Variants in GASK1A observed in about 807,000 individuals in gnomAD.
GASK1A encodes Golgi-associated kinase 1A.
GASK1A carries 40 observed loss-of-function variants against 41.2 expected under a neutral mutation model. The observed-to-expected ratio is 0.97, with a 90% CI of 0.75 to 1.27. The LOEUF (loss-of-function observed/expected upper bound fraction) is 1.27. GASK1A is among the 50% of genes most tolerant of loss of function. GASK1A has a pLI of 0.00. For synonymous variants in GASK1A, 316 were observed against 307.1 expected (o/e 1.03, Z -0.30); for missense variants, 678 against 745.1 (o/e 0.91, Z 1.05).
At position 43,056,212 on chromosome 3, in the gene GASK1A, G is replaced by A. The variant is rs1363217325; in HGVS notation, c.1554G>A (p.Gly518=). Residue 518 remains glycine, a synonymous_variant, in exon 5 of 5, where the codon GGG becomes GGA. Transcript: ENST00000430121. ...CTGCCGTGAAGGTTCTCGCATCAGG[G>A]TGTCTACAGAACATGCTGCTGAAGT... The part of the protein sequence containing the change: ...PESAVKVLAS[G]CLQNMLLKSL... 7.1e-6 allele frequency: 11 copies of A among 1,551,570 alleles called. No individual in the cohort carries two copies. In the Admixed American group the frequency reaches 1.4e-4, roughly 19 times the overall value.
chr3:43,019,776 A>G (rs1347909687), intron 1 of GASK1A, among the ~76,000 whole-genome samples: 3 of 151,372 alleles, frequency 2.0e-5, no homozygotes, highest in African/African-American at 7.3e-5. Context: ...ACACACACAC[A>G]CACACACACA....
intron 2 of GASK1A, among the ~76,000 whole-genome samples, chr3:43,041,833 C>T (rs1412073873): frequency 2.6e-5 from 4 of 152,156 alleles, no homozygotes; most frequent in Admixed American, 6.5e-5. Context: ...AACAGATTTG[C>T]GATGAACTAT....
At chr3:43,005,091 TG>T (rs1226241466) in intron 1 of GASK1A, among the ~76,000 whole-genome samples, 1 of 152,198 alleles carries the variant, frequency 6.6e-6, no homozygotes, top group African/African-American at 2.4e-5. Flanking sequence ...AGTCATCACA[TG>T]GCCGCCTTCT....
At chr3:42,994,414 T>C (rs2089358726) in intron 1 of GASK1A, among the ~76,000 whole-genome samples, 1 of 152,008 alleles carries the variant, frequency 6.6e-6, no homozygotes, top group African/African-American at 2.4e-5. Flanking sequence ...GAGGGCAAGC[T>C]CTGAAGACCA....
intron 3 of GASK1A, among the ~76,000 whole-genome samples, chr3:43,054,562 G>A (rs2089707192): frequency 6.6e-6 from 1 of 152,186 alleles, no homozygotes; most frequent in South Asian, 2.1e-4. Flanking sequence ...AGAAGAGGCA[G>A]AGAGAAGGGA....
intron 2 of GASK1A, among the ~76,000 whole-genome samples, chr3:43,042,869 G>T (rs2089644886): frequency 6.6e-6 from 1 of 152,182 alleles, no homozygotes; most frequent in African/African-American, 2.4e-5. Context: ...CAGTCTAGGT[G>T]TTCCCTCCCT....
chr3:43,023,833 T>C (rs750091649), intron 1 of GASK1A, among the ~76,000 whole-genome samples: 64 of 152,142 alleles, frequency 4.2e-4, no homozygotes, highest in Non-Finnish European at 8.2e-4. Flanking sequence ...AAGAGGGAGA[T>C]TGGCTTATTT....
chr3:43,055,616 T>A, intron 4 of GASK1A, 81 bp downstream of exon 4: 1 of 1,012,728 alleles, frequency 9.9e-7, no homozygotes, highest in Non-Finnish European at 1.5e-6. Context: ...CCTTCAACTG[T>A]GGCCCTGAGA....
At chr3:43,040,775 A>T (rs1462513812) in intron 2 of GASK1A, among the ~76,000 whole-genome samples, 1 of 151,420 alleles carries the variant, frequency 6.6e-6, no homozygotes, top group East Asian at 1.9e-4. Flanking sequence ...GTACATGTGC[A>T]CAATGTGCAG....
chr3:43,037,261 C>T (rs2089609102), intron 2 of GASK1A: 4 of 980,096 alleles, frequency 4.1e-6, no homozygotes, highest in South Asian at 1.3e-5. Context: ...GGAGCGATGG[C>T]CGAGGAGAAG....
At chr3:43,009,999 T>C (rs935783430) in intron 1 of GASK1A, among the ~76,000 whole-genome samples, 1 of 152,220 alleles carries the variant, frequency 6.6e-6, no homozygotes, top group Non-Finnish European at 1.5e-5. Context: ...AATAGAAGGA[T>C]AAAATTGTAA....
At chr3:43,049,426 T>C (rs146241627) in intron 2 of GASK1A, among the ~76,000 whole-genome samples, 2 of 152,232 alleles carry the variant, frequency 1.3e-5, no homozygotes, top group African/African-American at 4.8e-5. Flanking sequence ...AATAGGGTAT[T>C]AGAGGAAAGA....
chr3:42,996,789 G>A lies in GASK1A; in HGVS notation c.3+17144G>A, dbSNP rs557766673. ...CATGGTCCTGTGGTCAGGGACTGAGGGGTGTTCCCTGTGACCATTTGGGTG... is the reference window on the plus strand; with the variant it reads ...CATGGTCCTGTGGTCAGGGACTGAGAGGTGTTCCCTGTGACCATTTGGGTG... On this transcript the variant is annotated intron_variant, in intron 1 of 4. Transcript: ENST00000430121. 2.6e-5 allele frequency among the ~76,000 whole-genome samples: 4 copies of A among 152,376 alleles called. No individual in the cohort carries two copies. In the South Asian group the frequency reaches 8.3e-4, roughly 32 times the overall value.
intron 1 of GASK1A, among the ~76,000 whole-genome samples, chr3:42,987,975 G>A (rs1042695323): frequency 3.3e-5 from 4 of 119,786 alleles, no homozygotes; most frequent in Admixed American, 1.1e-4. Flanking sequence ...CTCCAGCCTC[G>A]GCGACAGAGC....
chr3:43,014,472 C>A (rs2089480126), intron 1 of GASK1A, among the ~76,000 whole-genome samples: 1 of 151,372 alleles, frequency 6.6e-6, no homozygotes, highest in Non-Finnish European at 1.5e-5. Context: ...CAGTGTGAAG[C>A]CACAGGGAGG....
chr3:43,054,601 A>G, intron 3 of GASK1A, among the ~76,000 whole-genome samples: 1 of 152,204 alleles, frequency 6.6e-6, no homozygotes, highest in Non-Finnish European at 1.5e-5. Flanking sequence ...AGAAGTTCAT[A>G]GCTTAAGCCT....
At chr3:43,041,866 A>AT (rs1192391648) in intron 2 of GASK1A, among the ~76,000 whole-genome samples, 4 of 152,106 alleles carry the variant, frequency 2.6e-5, no homozygotes, top group East Asian at 1.9e-4. Flanking sequence ...CTTTATTAAG[A>AT]TTTTTTCAGG....
intron 1 of GASK1A, among the ~76,000 whole-genome samples, chr3:42,994,505 A>T (rs2089359153): frequency 6.6e-6 from 1 of 152,092 alleles, no homozygotes; most frequent in Admixed American, 6.6e-5. Context: ...TCTAAGCAGC[A>T]TCTCCATGAG....
chr3:43,020,059 T>G (rs575519775), intron 1 of GASK1A, among the ~76,000 whole-genome samples: 1 of 152,292 alleles, frequency 6.6e-6, no homozygotes, highest in South Asian at 2.1e-4. Flanking sequence ...GCCAGCCAAC[T>G]GCAGTCATAT....
Sources: allele counts gnomAD v4.1 joint callset (sites outside exome capture counted in the v4.1 genomes callset), GRCh38; gene constraint gnomAD v4.1.1; transcripts MANE v1.5; gene names NCBI Gene and HGNC (gene_info 2026-07-23, HGNC 2026-07-21).